HS1BP3: variants seen among roughly 807,000 people sequenced by gnomAD.
HS1BP3 encodes the protein HCLS1-binding protein 3.
HS1BP3 carries 32 observed loss-of-function variants against 33.5 expected under a neutral mutation model. The observed-to-expected ratio is 0.95, with a 90% CI of 0.72 to 1.28. HS1BP3 has a LOEUF of 1.28. Among genes scored for constraint, HS1BP3 ranks in the 50% most tolerant of loss-of-function variants. HS1BP3 has a pLI of 0.00. For missense variants in HS1BP3, 486 were observed against 502.3 expected (o/e 0.97, Z 0.31); for synonymous variants, 187 against 209.2 (o/e 0.89, Z 0.92).
At chr2:20,575,760 AC>A (rs58267147) in intron 5 of HS1BP3, among the ~76,000 whole-genome samples, 2,482 of 147,372 alleles carry the variant, frequency 0.017, 49 homozygotes, top group African/African-American at 0.054. Flanking sequence ...CCTTGGTTCC[AC>A]CCCCCCCCCC....
intron 4 of HS1BP3, among the ~76,000 whole-genome samples, chr2:20,632,242 G>A (rs946202976): frequency 2.2e-4 from 33 of 152,212 alleles, no homozygotes; most frequent in Admixed American, 9.2e-4. Flanking sequence ...GATGGTGGCC[G>A]ACACCTCCCT....
intron 3 of HS1BP3, among the ~76,000 whole-genome samples, chr2:20,639,825 C>T (rs950885175): frequency 6.6e-6 from 1 of 152,188 alleles, no homozygotes; most frequent in African/African-American, 2.4e-5. Context: ...TCTCTTCCAG[C>T]GATGGCTGAG....
At chr2:20,566,731 C>T (rs1484308315) in intron 5 of HS1BP3, among the ~76,000 whole-genome samples, 2 of 152,036 alleles carry the variant, frequency 1.3e-5, no homozygotes, top group African/African-American at 4.8e-5. Context: ...CTCAGCCTCC[C>T]GACTAGCTGG....
At chr2:20,643,922 G>T (rs1695436488) in intron 2 of HS1BP3, among the ~76,000 whole-genome samples, 1 of 152,234 alleles carries the variant, frequency 6.6e-6, no homozygotes, top group South Asian at 2.1e-4. Flanking sequence ...AACAGAGGGA[G>T]ATCCTATCTC....
intron 5 of HS1BP3, among the ~76,000 whole-genome samples, chr2:20,578,850 G>A (rs1355063375): frequency 6.6e-6 from 1 of 152,184 alleles, no homozygotes. Flanking sequence ...GCCATGCTCT[G>A]TATCAACCAG....
At chr2:20,622,113 A>C in intron 6 of HS1BP3, 1 of 1,148,588 alleles carries the variant, frequency 8.7e-7, no homozygotes. Context: ...CGCTCAGTGT[A>C]CACCCCACGC....
intron 5 of HS1BP3, among the ~76,000 whole-genome samples, chr2:20,572,387 C>T (rs992800934): frequency 6.6e-6 from 1 of 152,224 alleles, no homozygotes; most frequent in Non-Finnish European, 1.5e-5. Context: ...CGTGTAGCCC[C>T]AGGACTCTGG....
chr2:20,615,430 G>C (rs17662614), downstream of HS1BP3, among the ~76,000 whole-genome samples: 36,062 of 152,254 alleles, frequency 0.24, 5,070 homozygotes, highest in Non-Finnish European at 0.32. Flanking sequence ...AAGGCCTTAG[G>C]GTGCTGAGCA....
chr2:20,606,886 G>A (rs1694195888), intron 2 of HS1BP3, among the ~76,000 whole-genome samples: 2 of 151,748 alleles, frequency 1.3e-5, no homozygotes, highest in Admixed American at 1.3e-4. Flanking sequence ...CAAACATTTT[G>A]TCCTATTCTT....
chr2:20,618,608 G>T lies in HS1BP3; in HGVS notation c.*379C>A. The T allele has an allele frequency of 2.6e-6, 2 of 770,470 alleles. No individual in the cohort carries two copies. The highest frequency in any genetic ancestry group is 3.3e-6 in the Non-Finnish European group (2 of 612,146). 47.7% of individuals were successfully genotyped at this position (770,470 alleles called of 1,614,324 possible). Reference sequence around the variant, plus strand: ...CCAGTTTGGGTCTGTGCTGGGGCTGGCAGAACCCGTGGGCATGAAGCTTCC... The same window carrying T: ...CCAGTTTGGGTCTGTGCTGGGGCTGTCAGAACCCGTGGGCATGAAGCTTCC... On this transcript the variant is annotated 3_prime_UTR_variant, in exon 7 of 7. Transcript: ENST00000304031.
At chr2:20,587,405 G>C (rs1480759435) in intron 5 of HS1BP3, among the ~76,000 whole-genome samples, 1 of 152,194 alleles carries the variant, frequency 6.6e-6, no homozygotes, top group Non-Finnish European at 1.5e-5. Flanking sequence ...GCAAGACCCT[G>C]ACCCCATCCC....
chr2:20,593,572 G>A (rs1316387670), intron 3 of HS1BP3, among the ~76,000 whole-genome samples: 4 of 152,058 alleles, frequency 2.6e-5, no homozygotes, highest in Non-Finnish European at 5.9e-5. Context: ...TTCTCATGAG[G>A]CCCCCGCACT....
At chr2:20,607,912 T>G (rs1394343465) in intron 2 of HS1BP3, among the ~76,000 whole-genome samples, 1 of 152,228 alleles carries the variant, frequency 6.6e-6, no homozygotes, top group African/African-American at 2.4e-5. Context: ...TTTCTTAAAT[T>G]TTATTTAATT....
chr2:20,590,309 C>G (rs576795632), downstream of HS1BP3, among the ~76,000 whole-genome samples: 2 of 152,204 alleles, frequency 1.3e-5, no homozygotes, highest in Non-Finnish European at 2.9e-5. Context: ...CTCTACCCAG[C>G]CTTCCAGGGT....
Position 20,573,680 on chromosome 2 carries a change from G to A in HS1BP3, c.303-13165C>T, listed in dbSNP as rs148947784. On this transcript the variant is annotated intron_variant, in intron 5 of 5. Transcript: ENST00000446825. Reference sequence around the variant, plus strand: ...AGGGAGCTATGGGCTTCCCCTTCCTGTTCAGCTACTAGTTTAAGTTGTTTT... The same window carrying A: ...AGGGAGCTATGGGCTTCCCCTTCCTATTCAGCTACTAGTTTAAGTTGTTTT... Among the ~76,000 whole-genome samples the A allele has an allele frequency of 4.7e-3, 720 of 152,286 alleles. 7 individuals carry two copies. The highest frequency in any genetic ancestry group is 0.016 in the African/African-American group (670 of 41,546).
intron 5 of HS1BP3, among the ~76,000 whole-genome samples, chr2:20,582,537 A>G (rs926121599): frequency 5.9e-5 from 9 of 152,138 alleles, no homozygotes; most frequent in Non-Finnish European, 1.2e-4. Flanking sequence ...CTCCATTTCC[A>G]GCTGAGAGGT....
At chr2:20,555,601 C>A (rs556658479), downstream of HS1BP3, among the ~76,000 whole-genome samples, 40 of 152,202 alleles carry the variant, frequency 2.6e-4, no homozygotes, top group African/African-American at 8.4e-4. Flanking sequence ...CCCAACAGAG[C>A]CTTTGGGTTT....
Position 20,618,682 on chromosome 2 carries a change from T to A in HS1BP3, c.*305A>T. The A allele has an allele frequency of 8.2e-7, 1 of 1,222,724 alleles. No homozygotes were observed. Among genetic ancestry groups the A allele is most frequent in the Non-Finnish European group, 1.0e-6 (1 of 976,456 alleles). The allele number at this position is 1,222,724 out of a possible 1,614,324, so 75.7% of individuals were successfully genotyped here. A position where few individuals can be genotyped will look rare whatever the true frequency, so the allele number is the denominator to read the frequency against. On this transcript the variant is annotated 3_prime_UTR_variant, in exon 7 of 7. Coordinates refer to ENST00000304031, the MANE Select transcript of HS1BP3 (RefSeq NM_022460.4). ...CGGCCCCACATGTCTTGCTTCATCC[T>A]TGGGGCTGGGCTTCTGGTTGGCAAG...
chr2:20,553,961 A>G, the HS1BP3 span, among the ~76,000 whole-genome samples: 47 of 152,346 alleles, frequency 3.1e-4, no homozygotes, highest in African/African-American at 1.0e-3. Flanking sequence ...CCAGGGATGA[A>G]GGACGGTTTA....
Sources: gnomAD v4.1 joint callset for allele counts (sites outside exome capture counted in the v4.1 genomes callset) on GRCh38, gnomAD v4.1.1 for gene constraint, MANE v1.5 for transcripts, NCBI Gene and HGNC (gene_info 2026-07-23, HGNC 2026-07-21) for gene names.